TCAF1: variants seen among roughly 807,000 people sequenced by gnomAD.
TCAF1 encodes TRPM8 channel-associated factor 1.
Under a neutral mutation model 27.3 loss-of-function variants are expected in TCAF1, and 4 were observed. The observed-to-expected ratio is 0.15, with a 90% CI of 0.07 to 0.34. TCAF1 has a LOEUF of 0.34. Among genes scored for constraint, TCAF1 ranks in the 10% least tolerant of loss-of-function variants. TCAF1 has a pLI of 1.00. For synonymous variants in TCAF1, 105 were observed against 167.1 expected, an observed-to-expected ratio of 0.63 and a Z score of 2.87; for missense variants, 257 against 425.8, an observed-to-expected ratio of 0.60 and a Z score of 3.49.
intron 1 of TCAF1, among the ~76,000 whole-genome samples, chr7:143,899,339 T>A (rs1482440890): frequency 6.6e-6 from 1 of 152,188 alleles, no homozygotes; most frequent in Non-Finnish European, 1.5e-5. Context: ...GGTTAAAAAT[T>A]ATTTAGTATT....
chr7:143,898,756 T>C (rs1417950871), intron 1 of TCAF1, among the ~76,000 whole-genome samples: 1 of 152,218 alleles, frequency 6.6e-6, no homozygotes, highest in East Asian at 1.9e-4. Context: ...AAATAATTTA[T>C]AGAGTGCAAT....
chr7:143,885,573 T>C (rs1203346332), intron 1 of TCAF1: 1 of 983,866 alleles, frequency 1.0e-6, no homozygotes, highest in East Asian at 1.1e-4. Flanking sequence ...GACTGTTCAT[T>C]AACAAGGGAG....
At position 143,876,729 on chromosome 7, in the gene TCAF1, G is replaced by A. The variant is rs543131344; in HGVS notation, c.-14-107C>T. 14 of 838,170 alleles carry A rather than the reference G, an allele frequency of 1.7e-5. No homozygotes were observed. In the African/African-American group the frequency reaches 2.4e-4, roughly 14 times the overall value. The allele number at this position is 838,170 out of a possible 1,614,324, so 51.9% of individuals were successfully genotyped here. A position where few individuals can be genotyped will look rare whatever the true frequency, so the allele number is the denominator to read the frequency against. ...GCTGGGCTATTCTTCCCACTATGCA[G>A]ATGAGGCTGACACTGGGAAATGATT... On this transcript the variant is annotated intron_variant, in intron 1 of 8. Coordinates refer to ENST00000479870, the MANE Select transcript of TCAF1 (RefSeq NM_014719.3).
At chr7:143,874,894 A>G (rs1330541275) in intron 2 of TCAF1, among the ~76,000 whole-genome samples, 1 of 152,246 alleles carries the variant, frequency 6.6e-6, no homozygotes, top group African/African-American at 2.4e-5. Context: ...CCTGGGATAT[A>G]TAATATGTTT....
At chr7:143,895,008 C>A (rs575021313) in intron 1 of TCAF1, among the ~76,000 whole-genome samples, 1 of 151,612 alleles carries the variant, frequency 6.6e-6, no homozygotes, top group Admixed American at 6.6e-5. Flanking sequence ...CAAAGTAATA[C>A]AAATTAAAAC....
intron 1 of TCAF1, among the ~76,000 whole-genome samples, chr7:143,894,484 T>C (rs1586799682): frequency 6.6e-6 from 1 of 151,834 alleles, no homozygotes; most frequent in East Asian, 1.9e-4. Flanking sequence ...AAATGCCTTT[T>C]CAATAAGTAG....
intron 1 of TCAF1, among the ~76,000 whole-genome samples, chr7:143,901,664 C>T (rs934416555): frequency 1.3e-5 from 2 of 152,226 alleles, no homozygotes; most frequent in Admixed American, 1.3e-4. Flanking sequence ...ATCAAATCGC[C>T]TCGAGGGTTC....
intron 1 of TCAF1, among the ~76,000 whole-genome samples, chr7:143,896,115 C>T (rs926942471): frequency 6.6e-6 from 1 of 150,990 alleles, no homozygotes; most frequent in African/African-American, 2.4e-5. Context: ...TTAAAAAATC[C>T]AAATAAGTTT....
At chr7:143,871,430 C>T (rs1224848635) in intron 2 of TCAF1, among the ~76,000 whole-genome samples, 1 of 56,446 alleles carries the variant, frequency 1.8e-5, no homozygotes, top group Non-Finnish European at 3.6e-5. Context: ...GATACTAAAA[C>T]AAACGTTTAA....
rs1811280981 is a variant in TCAF1 at position 143,851,479 on chromosome 7, A to G, written c.*2654T>C. 1 of 152,276 alleles carries G rather than the reference A, an allele frequency of 6.6e-6. No individual in the cohort carries two copies. Among genetic ancestry groups the G allele is most frequent in the Admixed American group, 6.5e-5 (1 of 15,290 alleles). 9.4% of individuals were successfully genotyped at this position (152,276 alleles called of 1,614,324 possible). A position where few individuals can be genotyped will look rare whatever the true frequency, so the allele number is the denominator to read the frequency against. On this transcript the variant is annotated 3_prime_UTR_variant, in exon 9 of 9. Transcript: ENST00000479870. ...CTTAAAATGAAAAACACAGTTTCCCATCCCACCCTTTTTAAATCTAAATCC... is the reference window on the plus strand; with the variant it reads ...CTTAAAATGAAAAACACAGTTTCCCGTCCCACCCTTTTTAAATCTAAATCC...
At chr7:143,858,648 C>T (rs1811666060) in intron 7 of TCAF1, among the ~76,000 whole-genome samples, 176 bp downstream of exon 7, 1 of 152,302 alleles carries the variant, frequency 6.6e-6, no homozygotes, top group Admixed American at 6.5e-5. Flanking sequence ...AGGCGATGCA[C>T]TAAGAGACAT....
intron 1 of TCAF1, among the ~76,000 whole-genome samples, chr7:143,900,434 T>C (rs2116880683): frequency 6.6e-6 from 1 of 152,280 alleles, no homozygotes; most frequent in South Asian, 2.1e-4. Context: ...GAGGCCCATG[T>C]GGCAAAGAAC....
chr7:143,882,690 C>T, intron 1 of TCAF1: 5 of 977,938 alleles, frequency 5.1e-6, no homozygotes, highest in Non-Finnish European at 6.0e-6. Context: ...TCCACCGTTG[C>T]TGGCCCCTTC....
At chr7:143,892,876 C>T (rs1470206531) in intron 1 of TCAF1, among the ~76,000 whole-genome samples, 1 of 152,134 alleles carries the variant, frequency 6.6e-6, no homozygotes, top group Non-Finnish European at 1.5e-5. Flanking sequence ...AGCTAGGAGG[C>T]CAGCCCTCAC....
intron 1 of TCAF1, among the ~76,000 whole-genome samples, chr7:143,897,645 C>T (rs984604622): frequency 2.0e-5 from 3 of 151,968 alleles, no homozygotes; most frequent in Non-Finnish European, 4.4e-5. Flanking sequence ...CTGATACATT[C>T]ATGTATATGT....
chr7:143,859,960 A>ATATATATTATAT (rs1811855157), intron 6 of TCAF1, among the ~76,000 whole-genome samples: 5 of 39,386 alleles, frequency 1.3e-4, no homozygotes, highest in Non-Finnish European at 2.4e-4. Flanking sequence ...ATATTACGGA[A>ATATATATTATAT]TATATATTAT....
At chr7:143,892,641 T>A (rs1209243242) in intron 1 of TCAF1, among the ~76,000 whole-genome samples, 1 of 151,380 alleles carries the variant, frequency 6.6e-6, no homozygotes, top group Non-Finnish European at 1.5e-5. Flanking sequence ...TTAAACCCAA[T>A]ATTTATAGAT....
intron 1 of TCAF1, chr7:143,886,412 C>A: frequency 1.4e-6 from 1 of 698,196 alleles, no homozygotes; most frequent in Non-Finnish European, 1.8e-6. Flanking sequence ...GTACGACATC[C>A]CATATAAATT....
chr7:143,882,409 T>C (rs1193564018), intron 1 of TCAF1: 1 of 985,298 alleles, frequency 1.0e-6, no homozygotes. Context: ...GACGCGGTTC[T>C]CTAGGTCAGG....
Sources: allele counts gnomAD v4.1 joint callset (sites outside exome capture counted in the v4.1 genomes callset), GRCh38; gene constraint gnomAD v4.1.1; transcripts MANE v1.5; gene names NCBI Gene and HGNC (gene_info 2026-07-23, HGNC 2026-07-21).